The following SRP68 variants were observed in gnomAD, a reference collection of about 807,000 sequenced individuals.
The protein encoded by SRP68 is signal recognition particle 68, also known as signal recognition particle subunit SRP68.
In SRP68, 15 loss-of-function variants were observed where a neutral mutation model predicts 82.2. The observed-to-expected ratio is 0.18, with a 90% CI of 0.12 to 0.28. SRP68 has a LOEUF of 0.28. Ranked by LOEUF, SRP68 falls within the 10% of genes least tolerant of loss-of-function variation. The pLI is 1.00. For synonymous variants in SRP68, 261 were observed against 292.6 expected, an observed-to-expected ratio of 0.89 and a Z score of 1.10; for missense variants, 595 against 780.5, an observed-to-expected ratio of 0.76 and a Z score of 2.83.
At chr17:76,061,417 C>T in intron 5 of SRP68, 75 bp downstream of exon 5, 1 of 1,312,054 alleles carries the variant, frequency 7.6e-7, no homozygotes, top group Non-Finnish European at 1.1e-6. Flanking sequence ...AGAAACAATC[C>T]ACTATCTGAT....
At chr17:76,053,335 G>C (rs1012130883) in intron 8 of SRP68, 1 of 318,680 alleles carries the variant, frequency 3.1e-6, no homozygotes, top group African/African-American at 2.3e-5. Context: ...GAAGAGCTAC[G>C]GCGCCCGTTT....
intron 7 of SRP68, among the ~76,000 whole-genome samples, chr17:76,058,129 T>C (rs1206838324): frequency 6.7e-6 from 1 of 149,848 alleles, no homozygotes; most frequent in African/African-American, 2.5e-5. Flanking sequence ...TGTGTCACCA[T>C]GCCTGGCTAA....
At position 76,064,169 on chromosome 17, in the gene SRP68, T is replaced by A. The variant is rs1414921539; in HGVS notation, c.368A>T (p.Tyr123Phe). The change falls in exon 4 of 16, where the codon TAC becomes TTC. Residue 123 changes from tyrosine to phenylalanine, a missense_variant and splice_region_variant. Around this residue, in one of 2 missense-constraint regions of SRP68, gnomAD observed 495 missense variants for 688.6 expected, o/e 0.72. Transcript: ENST00000307877. Reference sequence around the variant, plus strand: ...AGCATCCATCAGAACCAGAAGCAAGTATCTAGACCAGAGACAGAAGTGGGG... The same window carrying A: ...AGCATCCATCAGAACCAGAAGCAAGAATCTAGACCAGAGACAGAAGTGGGG... Reference protein sequence around the residue: ...VTEELLTDNRYLLLVLMDAER... With the variant: ...VTEELLTDNRFLLLVLMDAER... The A allele has an allele frequency of 5.6e-6, 9 of 1,613,676 alleles. No individual in the cohort carries two copies. Among genetic ancestry groups the A allele is most frequent in the Non-Finnish European group, 7.6e-6 (9 of 1,179,786 alleles).
intron 7 of SRP68, among the ~76,000 whole-genome samples, chr17:76,058,000 T>C (rs890997037): frequency 2.0e-5 from 3 of 151,454 alleles, no homozygotes; most frequent in African/African-American, 7.3e-5. Context: ...GTAGACAGGG[T>C]CTTGCTCTGT....
At chr17:76,039,959 T>A in intron 15 of SRP68, 26 bp from the exon 16 acceptor site, 1 of 1,609,678 alleles carries the variant, frequency 6.2e-7, no homozygotes, top group Non-Finnish European at 8.5e-7. Flanking sequence ...AAGAGACGTA[T>A]GTAGCATCGG....
intron 11 of SRP68, 90 bp from the exon 12 acceptor site, chr17:76,045,476 A>AG (rs1567926912): frequency 1.1e-6 from 1 of 922,526 alleles, no homozygotes; most frequent in South Asian, 1.5e-5. Context: ...GACAAGAGTG[A>AG]GGAAAAAAAA....
Position 76,038,999 on chromosome 17 carries a change from C to T in SRP68, c.*707G>A, listed in dbSNP as rs958630654. 1.2e-5 allele frequency: 2 copies of T among 172,576 alleles called. No homozygotes were observed. The highest frequency in any genetic ancestry group is 2.4e-5 in the African/African-American group (1 of 42,310). The allele number at this position is 172,576 out of a possible 1,614,324, so 10.7% of individuals were successfully genotyped here. A position where few individuals can be genotyped will look rare whatever the true frequency, so the allele number is the denominator to read the frequency against. On this transcript the variant is annotated 3_prime_UTR_variant, in exon 16 of 16. Transcript: ENST00000307877. ...TCTGGCATCAGCCTCACCTAGTTGCCGGTAAGTCAGGTTACACTTGACCTC... is the reference window on the plus strand; with the variant it reads ...TCTGGCATCAGCCTCACCTAGTTGCTGGTAAGTCAGGTTACACTTGACCTC...
chr17:76,052,642 A>C (rs1272425209), intron 8 of SRP68, among the ~76,000 whole-genome samples: 1 of 151,854 alleles, frequency 6.6e-6, no homozygotes, highest in Admixed American at 6.6e-5. Context: ...GTCTCTACTA[A>C]AAATACAAAA....
rs1163984978 is a variant in SRP68, at chr17:76,070,436, T to C, written c.193A>G (p.Ile65Val). 1.2e-6 allele frequency: 2 copies of C among 1,613,840 alleles called. No homozygotes were observed. The highest frequency in any genetic ancestry group is 1.7e-6 in the Non-Finnish European group (2 of 1,179,914). The stretch of plus-strand genomic sequence containing the variant: ...TGCTGCTGCTGGGATTCCTTAATAA[T>C]CTGAAGAACTAGAGTCGAGATTAAG... ...GDSLSLEILQ[I>V]IKESQQQHGL... Residue 65 changes from isoleucine (I) to valine (V), a missense_variant, in exon 2 of 16, where the codon ATT becomes GTT. Ile to Val is a conservative substitution (Grantham distance 29). Transcript: ENST00000307877.
chr17:76,039,506 C>A lies in SRP68; in HGVS notation c.*200G>T. 1 of 652,140 alleles carries A rather than the reference C, an allele frequency of 1.5e-6. No homozygotes were observed. 40.4% of individuals were successfully genotyped at this position (652,140 alleles called of 1,614,324 possible). A position where few individuals can be genotyped will look rare whatever the true frequency, so the allele number is the denominator to read the frequency against. ...GACAGGATGACCCTGCACACATTTA[C>A]CAGAAGACAACAGGGTGCTCTCCTG... On this transcript the variant is annotated 3_prime_UTR_variant, in exon 16 of 16. Transcript: ENST00000307877.
chr17:76,052,984 G>A (rs910776473), intron 8 of SRP68, among the ~76,000 whole-genome samples: 8 of 151,196 alleles, frequency 5.3e-5, no homozygotes, highest in South Asian at 2.1e-4. Flanking sequence ...ACATGGCGTC[G>A]GACGCGGTGG....
intron 3 of SRP68, among the ~76,000 whole-genome samples, chr17:76,064,419 C>T (rs1324268765): frequency 2.6e-5 from 4 of 152,132 alleles, no homozygotes; most frequent in East Asian, 1.9e-4. Flanking sequence ...ACCTCAAACA[C>T]GGTAAATCCA....
At position 76,061,593 on chromosome 17, in the gene SRP68, G is replaced by C. The variant is rs2066752571; in HGVS notation, c.562-19C>G. Reference sequence around the variant, plus strand: ...TGTAAGCCTGTGAGGAGATGGAAGAGGAGGAACTGCTTCAACAGCAAACCA... The same window carrying C: ...TGTAAGCCTGTGAGGAGATGGAAGACGAGGAACTGCTTCAACAGCAAACCA... On this transcript the variant is annotated intron_variant, in intron 4 of 15. Coordinates refer to ENST00000307877, the MANE Select transcript of SRP68 (RefSeq NM_014230.4). The C allele has an allele frequency of 5.0e-6, 8 of 1,603,752 alleles. No individual in the cohort carries two copies. In the East Asian group the frequency reaches 1.6e-4, roughly 31 times the overall value.
chr17:76,059,615 T>C (rs1313970579), intron 7 of SRP68, among the ~76,000 whole-genome samples: 2 of 152,186 alleles, frequency 1.3e-5, no homozygotes, highest in Middle Eastern at 3.4e-3. Flanking sequence ...GCTTTTTCTA[T>C]ATTACTTGCT....
intron 8 of SRP68, among the ~76,000 whole-genome samples, chr17:76,055,465 C>G (rs1408936051): frequency 6.6e-6 from 1 of 151,948 alleles, no homozygotes; most frequent in Non-Finnish European, 1.5e-5. Flanking sequence ...CTTCTTAAAA[C>G]ATCATGTGGG....
chr17:76,061,867 T>A (rs1189482512), intron 4 of SRP68, among the ~76,000 whole-genome samples: 1 of 151,790 alleles, frequency 6.6e-6, no homozygotes, highest in East Asian at 1.9e-4. Context: ...GGGCTGGGCA[T>A]GGGGCTCACA....
At chr17:76,061,083 G>T in intron 6 of SRP68, 27 bp downstream of exon 6, 2 of 1,378,072 alleles carry the variant, frequency 1.5e-6, no homozygotes, top group Non-Finnish European at 2.1e-6. Context: ...TTCAAGTTGA[G>T]TATAATGCCT....
chr17:76,048,147 T>A, intron 9 of SRP68, 177 bp from the exon 10 acceptor site: 2 of 332,058 alleles, frequency 6.0e-6, no homozygotes, highest in Admixed American at 4.8e-5. Flanking sequence ...ACAGTGGCAC[T>A]CAAGTTGCCA....
chr17:76,062,500 T>A (rs538855013), intron 4 of SRP68, among the ~76,000 whole-genome samples: 2,957 of 94,972 alleles, frequency 0.031, 331 homozygotes, highest in African/African-American at 0.14. Context: ...ATATATATAA[T>A]ATATATATAA....
Sources: allele counts gnomAD v4.1 joint callset (sites outside exome capture counted in the v4.1 genomes callset), GRCh38; gene constraint gnomAD v4.1.1; regional missense constraint gnomAD v4.1.1; transcripts MANE v1.5; gene names NCBI Gene and HGNC (gene_info 2026-07-23, HGNC 2026-07-21).